The following MARCHF10 variants were observed in gnomAD, a reference collection of about 807,000 sequenced individuals.
MARCHF10 encodes the protein membrane associated ring-CH-type finger 10.
A neutral mutation model predicts 76.2 loss-of-function variants in MARCHF10; 64 were observed. The ratio of observed to expected loss-of-function variants is 0.84; its 90% CI spans 0.69 to 1.03. MARCHF10 has a LOEUF of 1.03. Ranked by LOEUF, MARCHF10 falls within the 50% of genes least tolerant of loss-of-function variation. The pLI is 0.00. For synonymous variants in MARCHF10, 340 were observed against 357.5 expected (o/e 0.95, Z 0.55); for missense variants, 875 against 958.0 (o/e 0.91, Z 1.14).
At chr17:62,745,837 T>C (rs1270392039) in intron 4 of MARCHF10, among the ~76,000 whole-genome samples, 1 of 152,254 alleles carries the variant, frequency 6.6e-6, no homozygotes, top group Non-Finnish European at 1.5e-5. Flanking sequence ...AAAGTTCTAG[T>C]ATATACCATG....
intron 3 of MARCHF10, among the ~76,000 whole-genome samples, chr17:62,785,483 A>G (rs548166367): frequency 2.6e-4 from 40 of 152,346 alleles, no homozygotes; most frequent in African/African-American, 9.4e-4. Flanking sequence ...CTTCATGTCT[A>G]AAACACCAAA....
chr17:62,799,560 C>T (rs907702237), intron 2 of MARCHF10, among the ~76,000 whole-genome samples: 7 of 152,092 alleles, frequency 4.6e-5, no homozygotes, highest in African/African-American at 1.7e-4. Context: ...CCAGCCTGAC[C>T]AACATGGAGA....
intron 6 of MARCHF10, chr17:62,735,124 T>C (rs1205865036): frequency 1.3e-5 from 2 of 152,236 alleles, no homozygotes; most frequent in Admixed American, 6.5e-5. Flanking sequence ...ACCTTTCTAA[T>C]TCACAGCCCA....
chr17:62,790,179 T>G (rs920281320), intron 2 of MARCHF10, among the ~76,000 whole-genome samples: 28 of 151,144 alleles, frequency 1.9e-4, no homozygotes, highest in Admixed American at 1.5e-3. Flanking sequence ...TAGTAAAAGT[T>G]TTTTTTTTCC....
At chr17:62,755,209 C>A (rs1382411091) in intron 4 of MARCHF10, among the ~76,000 whole-genome samples, 2 of 152,230 alleles carry the variant, frequency 1.3e-5, no homozygotes, top group Non-Finnish European at 2.9e-5. Flanking sequence ...AGGACTCCAT[C>A]CAGATCTGTC....
rs779017407 is a variant in MARCHF10 at position 62,701,764 on chromosome 17, AGGCAAGAAG to A, written c.2372-15_2372-7del. 4 of 1,613,984 alleles carry A rather than the reference AGGCAAGAAG, an allele frequency of 2.5e-6. No individual in the cohort carries two copies. The East Asian group carries it at 8.9e-5, about 36-fold the overall frequency. On this transcript the variant is annotated splice_polypyrimidine_tract_variant and splice_region_variant and intron_variant, in intron 10 of 10. Transcript: ENST00000311269. ...TCCATCTCCCAACTCCGAATCTGGA[AGGCAAGAAG>A]GTGTTTCAGGCTGGAGGGCCGCAGC...
At chr17:62,705,647 C>T (rs913686199) in intron 9 of MARCHF10, 66 bp from the exon 10 acceptor site, 1 of 1,588,042 alleles carries the variant, frequency 6.3e-7, no homozygotes, top group African/African-American at 1.4e-5. Flanking sequence ...AGATGTATAA[C>T]CTCCTAGTCG....
At chr17:62,762,084 G>T (rs552200581) in intron 3 of MARCHF10, among the ~76,000 whole-genome samples, 23 of 152,152 alleles carry the variant, frequency 1.5e-4, no homozygotes, top group African/African-American at 5.3e-4. Context: ...TCATCTTCGC[G>T]GATCCATTTC....
intron 10 of MARCHF10, among the ~76,000 whole-genome samples, chr17:62,702,947 C>A (rs1015739314): frequency 7.9e-5 from 12 of 152,210 alleles, no homozygotes; most frequent in Non-Finnish European, 1.5e-4. Context: ...GTTCCTGCCC[C>A]TGTCCTCATC....
intron 3 of MARCHF10, among the ~76,000 whole-genome samples, chr17:62,769,327 C>T (rs1053958404): frequency 6.6e-6 from 1 of 152,116 alleles, no homozygotes. Flanking sequence ...AGTATTTTAC[C>T]CAATGATTTT....
chr17:62,773,959 G>C (rs1190067232), intron 3 of MARCHF10, among the ~76,000 whole-genome samples: 1 of 152,236 alleles, frequency 6.6e-6, no homozygotes, highest in Non-Finnish European at 1.5e-5. Flanking sequence ...CACCAGACAG[G>C]TGTAAAAGAA....
intron 4 of MARCHF10, among the ~76,000 whole-genome samples, chr17:62,755,517 G>C (rs1599238021): frequency 6.6e-6 from 1 of 152,176 alleles, no homozygotes; most frequent in Non-Finnish European, 1.5e-5. Context: ...CCTGCTAGCT[G>C]TTCTGGGTCT....
chr17:62,708,504 A>G (rs1342156687), intron 9 of MARCHF10, among the ~76,000 whole-genome samples: 1 of 152,162 alleles, frequency 6.6e-6, no homozygotes, highest in Non-Finnish European at 1.5e-5. Flanking sequence ...TCGGCCTCCC[A>G]AAGTGCTGGG....
intron 1 of MARCHF10, among the ~76,000 whole-genome samples, chr17:62,802,356 A>G (rs1471878276): frequency 6.6e-6 from 1 of 152,004 alleles, no homozygotes; most frequent in East Asian, 1.9e-4. Flanking sequence ...AGTAGCTGGG[A>G]TTACAGGCAC....
chr17:62,801,595 T>G (rs1054496686), intron 2 of MARCHF10, 51 bp downstream of exon 2: 1 of 1,498,354 alleles, frequency 6.7e-7, no homozygotes. Flanking sequence ...CTGAATTCTC[T>G]CTAAATACTG....
intron 3 of MARCHF10, among the ~76,000 whole-genome samples, chr17:62,785,544 A>G (rs2092730239): frequency 6.6e-6 from 1 of 152,250 alleles, no homozygotes; most frequent in South Asian, 2.1e-4. Context: ...ATTAAACTAA[A>G]GAACTTCTGC....
At chr17:62,759,709 G>C (rs2092141986) in intron 4 of MARCHF10, 126 bp downstream of exon 4, 2 of 906,686 alleles carry the variant, frequency 2.2e-6, no homozygotes. Context: ...GACCTCAAGT[G>C]ATCCGCCGGC....
intron 5 of MARCHF10, among the ~76,000 whole-genome samples, chr17:62,739,623 C>T (rs1053579384): frequency 3.9e-5 from 6 of 152,044 alleles, no homozygotes; most frequent in Admixed American, 6.6e-5. Context: ...TCAAGTGATC[C>T]GCCTGCCTTG....
chr17:62,737,145 T>C lies in MARCHF10; in HGVS notation c.723A>G (p.Gly241=), dbSNP rs1464390090. 1 of 1,614,082 alleles carries C rather than the reference T, an allele frequency of 6.2e-7. No homozygotes were observed. Among genetic ancestry groups the C allele is most frequent in the Non-Finnish European group, 8.5e-7 (1 of 1,180,010 alleles). Residue 241 remains glycine, a synonymous_variant, in exon 6 of 11, where the codon GGA becomes GGG. Coordinates refer to ENST00000311269, the MANE Select transcript of MARCHF10 (RefSeq NM_152598.4). ...LHPALSQAFQ[G]KNSPQVLSEF... ...CACTCAATACTTGAGGACTATTTTT[T>C]CCTTGGAAGGCCTGGGACAGGGCTG...
Sources: allele counts gnomAD v4.1 joint callset (sites outside exome capture counted in the v4.1 genomes callset), GRCh38; gene constraint gnomAD v4.1.1; transcripts MANE v1.5; gene names NCBI Gene and HGNC (gene_info 2026-07-23, HGNC 2026-07-21).